SLC28A3: variants seen among roughly 807,000 people sequenced by gnomAD.
SLC28A3 encodes the protein solute carrier family 28 member 3, also known as concentrative Na(+)-nucleoside cotransporter 3.
Under a neutral mutation model 84.2 loss-of-function variants are expected in SLC28A3, and 68 were observed. That is an observed-to-expected ratio of 0.81 (90% CI 0.66 to 0.99). The LOEUF (loss-of-function observed/expected upper bound fraction) is 0.99. Ranked by LOEUF, SLC28A3 falls within the 50% of genes least tolerant of loss-of-function variation. The pLI, the probability that SLC28A3 is intolerant of heterozygous loss-of-function variation, is 0.00. For synonymous variants in SLC28A3, 267 were observed against 303.6 expected (o/e 0.88, Z 1.25); for missense variants, 712 against 841.5 (o/e 0.85, Z 1.90).
At chr9:84,335,743 G>GTGTGTA (rs1305088693) in intron 1 of SLC28A3, among the ~76,000 whole-genome samples, 1 of 144,758 alleles carries the variant, frequency 6.9e-6, no homozygotes, top group Non-Finnish European at 1.5e-5. Flanking sequence ...GTGTGTGTGT[G>GTGTGTA]TATAAAATGT....
chr9:84,340,814 GGCAGAGAGGCGGGC>G, upstream of SLC28A3: 5 of 599,014 alleles, frequency 8.3e-6, no homozygotes, highest in Non-Finnish European at 1.2e-5. Context: ...GTTGGGGTGG[GGCAGAGAGGCGGGC>G]GGGTTGGCGG....
intron 1 of SLC28A3, among the ~76,000 whole-genome samples, chr9:84,331,597 C>T (rs1018593557): frequency 4.6e-5 from 7 of 152,084 alleles, no homozygotes; most frequent in Non-Finnish European, 7.4e-5. Context: ...GGCCCATTTC[C>T]CCAGCCTAGT....
At chr9:84,289,724 A>T (rs1254656314) in intron 11 of SLC28A3, among the ~76,000 whole-genome samples, 1 of 152,280 alleles carries the variant, frequency 6.6e-6, no homozygotes, top group Non-Finnish European at 1.5e-5. Context: ...ACTCTGTAGC[A>T]TGAAAGCTGC....
chr9:84,286,552 T>C (rs1824998143), intron 12 of SLC28A3, among the ~76,000 whole-genome samples: 1 of 151,028 alleles, frequency 6.6e-6, no homozygotes, highest in Non-Finnish European at 1.5e-5. Flanking sequence ...CTCCAGAGTC[T>C]CTGGGTAACT....
chr9:84,362,178 TTTAACA>T, the SLC28A3 span, among the ~76,000 whole-genome samples: 1 of 152,172 alleles, frequency 6.6e-6, no homozygotes, highest in Non-Finnish European at 1.5e-5. Flanking sequence ...GAGTTCGAAC[TTTAACA>T]ATTGGGAGGC....
the SLC28A3 span, among the ~76,000 whole-genome samples, chr9:84,349,148 T>G: frequency 6.6e-6 from 1 of 152,214 alleles, no homozygotes; most frequent in African/African-American, 2.4e-5. Context: ...TTACAGGTTT[T>G]GGGATAGGTG....
At chr9:84,341,501 T>C (rs1827157864), upstream of SLC28A3, among the ~76,000 whole-genome samples, 1 of 152,220 alleles carries the variant, frequency 6.6e-6, no homozygotes, top group Non-Finnish European at 1.5e-5. Flanking sequence ...CTCAAAATTC[T>C]ATACTGAAGT....
Position 84,340,564 on chromosome 9 carries a change from C to G in SLC28A3, c.60+10G>C. On this transcript the variant is annotated intron_variant, in intron 1 of 17. Transcript: ENST00000376238. ...GAAGGCCTTTAACATAAGAGGAAAGCTCTGCTCACCTGGAAGCCCACGTTG... is the reference window on the plus strand; with the variant it reads ...GAAGGCCTTTAACATAAGAGGAAAGGTCTGCTCACCTGGAAGCCCACGTTG... 1.9e-6 allele frequency: 3 copies of G among 1,614,180 alleles called. No individual in the cohort carries two copies. Among genetic ancestry groups the G allele is most frequent in the Non-Finnish European group, 1.7e-6 (2 of 1,180,020 alleles).
intron 3 of SLC28A3, among the ~76,000 whole-genome samples, chr9:84,307,912 T>C (rs889647043): frequency 1.3e-5 from 2 of 152,182 alleles, no homozygotes; most frequent in African/African-American, 4.8e-5. Context: ...TCATTAACAT[T>C]AGTGAAACCT....
chr9:84,298,020 C>T lies in SLC28A3; in HGVS notation c.670-1G>A. On this transcript the variant is annotated splice_acceptor_variant, in intron 6 of 17. Coordinates refer to ENST00000376238, the MANE Select transcript of SLC28A3 (RefSeq NM_001199633.2). LOFTEE classifies it high-confidence loss of function. ...CCCATAAGACAGGTCTCCAGTAAAC[C>T]TATACAGAAAGATCAAGTGATATGT... The T allele has an allele frequency of 6.2e-7, 1 of 1,606,246 alleles. No individual in the cohort carries two copies. The highest frequency in any genetic ancestry group is 8.5e-7 in the Non-Finnish European group (1 of 1,177,670).
rs1365756982 is a variant in SLC28A3, at chr9:84,285,982, C to T, written c.1410G>A (p.Trp470Ter). Residue 470 changes from tryptophan to a stop codon, truncating the protein, a stop_gained, in exon 13 of 18, where the codon TGG becomes TGA. Coordinates refer to ENST00000376238, the MANE Select transcript of SLC28A3 (RefSeq NM_001199633.2). LOFTEE classifies it high-confidence loss of function. ...LLSFMNSALS[W>*]FGNMFDYPQL... ...GTGGGTAGTCAAACATGTTTCCAAA[C>T]CAGGACAGGGCTGAATTCATAAAAG... 6.2e-7 allele frequency: 1 copy of T among 1,613,962 alleles called. No individual in the cohort carries two copies. Among genetic ancestry groups the T allele is most frequent in the Admixed American group, 1.7e-5 (1 of 59,996 alleles).
chr9:84,298,088 T>G (rs1472297806), intron 6 of SLC28A3, 69 bp from the exon 7 acceptor site: 1 of 1,262,186 alleles, frequency 7.9e-7, no homozygotes, highest in Non-Finnish European at 1.1e-6. Context: ...GAATGTCTAA[T>G]GGATCACTAT....
intron 1 of SLC28A3, among the ~76,000 whole-genome samples, chr9:84,328,779 T>G (rs1279096935): frequency 6.6e-6 from 1 of 151,516 alleles, no homozygotes; most frequent in African/African-American, 2.4e-5. Context: ...AAAACAAAAA[T>G]TAGCCAGGCA....
At chr9:84,346,854 T>C in the SLC28A3 span, among the ~76,000 whole-genome samples, 2 of 152,096 alleles carry the variant, frequency 1.3e-5, no homozygotes, top group African/African-American at 4.8e-5. Context: ...TAAAGGATGA[T>C]TTGGCTGTCT....
intron 1 of SLC28A3, among the ~76,000 whole-genome samples, chr9:84,317,778 T>C (rs72751189): frequency 0.11 from 16,713 of 152,176 alleles, 1,035 homozygotes; most frequent in Admixed American, 0.19. Context: ...GTGGCACACA[T>C]AGTAAGTGCT....
the SLC28A3 span, among the ~76,000 whole-genome samples, chr9:84,356,998 A>G: frequency 6.6e-6 from 1 of 152,192 alleles, no homozygotes; most frequent in Non-Finnish European, 1.5e-5. Context: ...TTCTTCCAGA[A>G]TAGATTCCAT....
chr9:84,292,475 GTC>G (rs57280644), intron 10 of SLC28A3, 191 bp downstream of exon 10: 33,526 of 350,256 alleles, frequency 0.096, no homozygotes, highest in Middle Eastern at 0.12. Flanking sequence ...CTCTCTCTCT[GTC>G]TCTCTCTCTC....
At chr9:84,357,596 G>A in the SLC28A3 span, among the ~76,000 whole-genome samples, 12 of 152,232 alleles carry the variant, frequency 7.9e-5, 1 homozygote, top group South Asian at 2.5e-3. Context: ...GAAGTGGGCA[G>A]GAAGTGGAGA....
chr9:84,287,308 A>T (rs78278510), intron 12 of SLC28A3, among the ~76,000 whole-genome samples: 2,644 of 152,272 alleles, frequency 0.017, 76 homozygotes, highest in African/African-American at 0.054. Flanking sequence ...AATTTCAGAC[A>T]CATGTTGGTT....
Sources: allele counts gnomAD v4.1 joint callset (sites outside exome capture counted in the v4.1 genomes callset), GRCh38; gene constraint gnomAD v4.1.1; transcripts MANE v1.5; gene names NCBI Gene and HGNC (gene_info 2026-07-23, HGNC 2026-07-21).